The following KIF6 variants were observed in gnomAD, a reference collection of about 807,000 sequenced individuals.
The protein encoded by KIF6 is kinesin-like protein KIF6.
In KIF6, 106 loss-of-function variants were observed where a neutral mutation model predicts 112.7. That is an observed-to-expected ratio of 0.94 (90% CI 0.80 to 1.11). The LOEUF (loss-of-function observed/expected upper bound fraction) is 1.11. Among genes scored for constraint, KIF6 ranks in the 50% least tolerant of loss-of-function variants. The pLI is 0.00. For missense variants in KIF6, 929 were observed against 964.0 expected (o/e 0.96, Z 0.48); for synonymous variants, 339 against 339.9 (o/e 1.00, Z 0.03).
intron 5 of KIF6, among the ~76,000 whole-genome samples, chr6:39,627,802 T>C (rs1784165381): frequency 6.6e-6 from 1 of 152,160 alleles, no homozygotes; most frequent in African/African-American, 2.4e-5. Flanking sequence ...AAAATTATAC[T>C]AAAGTAAGGT....
At chr6:39,478,390 TG>T (rs1774574464) in intron 13 of KIF6, among the ~76,000 whole-genome samples, 1 of 152,232 alleles carries the variant, frequency 6.6e-6, no homozygotes, top group Non-Finnish European at 1.5e-5. Context: ...TTTTTATGGC[TG>T]AGTAGTATTC....
intron 5 of KIF6, chr6:39,617,781 A>T (rs1486935847): frequency 2.2e-6 from 1 of 454,552 alleles, no homozygotes; most frequent in Admixed American, 2.4e-5. Flanking sequence ...ACCTAGAGCA[A>T]TGTCAAGAGC....
At position 39,362,529 on chromosome 6, in the gene KIF6, A is replaced by G; in HGVS notation, c.1862-11T>C. On this transcript the variant is annotated splice_polypyrimidine_tract_variant and intron_variant, in intron 16 of 22. Transcript: ENST00000287152. ...TGTTTTCCGAGATTCCTGTAGAAGG[A>G]AGGTGCCAATGGGATGGTGAGAAAG... The G allele has an allele frequency of 6.3e-7, 1 of 1,599,866 alleles. No individual in the cohort carries two copies. The highest frequency in any genetic ancestry group is 8.6e-7 in the Non-Finnish European group (1 of 1,166,974).
chr6:39,698,259 C>T (rs1407547491), intron 3 of KIF6, among the ~76,000 whole-genome samples: 1 of 152,162 alleles, frequency 6.6e-6, no homozygotes, highest in East Asian at 1.9e-4. Context: ...AGCATAGCAG[C>T]TTTCAGCACA....
intron 13 of KIF6, among the ~76,000 whole-genome samples, chr6:39,507,638 C>CTTCCTA: frequency 3.3e-5 from 1 of 29,864 alleles, no homozygotes; most frequent in Middle Eastern, 0.02. Flanking sequence ...CTTTCCTTTC[C>CTTCCTA]CCTTCCTTCC....
rs1774857203 is a variant in KIF6 at position 39,482,424 on chromosome 6, C to T, written c.1646-51263G>A. Among the ~76,000 whole-genome samples the T allele has an allele frequency of 3.3e-5, 5 of 152,272 alleles. No individual in the cohort carries two copies. In the South Asian group the frequency reaches 1.0e-3, roughly 32 times the overall value. On this transcript the variant is annotated intron_variant, in intron 13 of 22. Coordinates refer to ENST00000287152, the MANE Select transcript of KIF6 (RefSeq NM_145027.6). Reference sequence around the variant, plus strand: ...AATATCTGTTCCCAGTCCCTTTAGGCCCTTGTCTGAGCCCTCTGGAGCAAG... The same window carrying T: ...AATATCTGTTCCCAGTCCCTTTAGGTCCTTGTCTGAGCCCTCTGGAGCAAG...
At chr6:39,679,617 T>C (rs1787384710) in intron 3 of KIF6, among the ~76,000 whole-genome samples, 1 of 62,700 alleles carries the variant, frequency 1.6e-5, no homozygotes, top group African/African-American at 4.5e-5. Context: ...TTCTTTTCTT[T>C]TTTTTTTTTT....
chr6:39,598,313 T>C (rs1782388283), intron 6 of KIF6, among the ~76,000 whole-genome samples: 1 of 152,166 alleles, frequency 6.6e-6, no homozygotes, highest in Non-Finnish European at 1.5e-5. Flanking sequence ...GAATATTTGA[T>C]AAAATGCTCA....
intron 6 of KIF6, among the ~76,000 whole-genome samples, chr6:39,598,079 TG>T (rs754021964): frequency 3.2e-4 from 48 of 152,026 alleles, no homozygotes; most frequent in Non-Finnish European, 5.6e-4. Context: ...CCCAGCTACT[TG>T]GGAGGCTGAG....
At chr6:39,620,604 G>C (rs559958999) in intron 5 of KIF6, 4 of 152,122 alleles carry the variant, frequency 2.6e-5, no homozygotes, top group Non-Finnish European at 5.9e-5. Flanking sequence ...TATGAAAGTA[G>C]AAAGAACCAA....
At chr6:39,676,157 TAA>T (rs1172891720) in intron 3 of KIF6, among the ~76,000 whole-genome samples, 1 of 149,988 alleles carries the variant, frequency 6.7e-6, no homozygotes, top group Non-Finnish European at 1.5e-5. Flanking sequence ...CTGGGATAGA[TAA>T]ATAAAAATAA....
intron 3 of KIF6, among the ~76,000 whole-genome samples, chr6:39,713,526 G>A (rs1361543012): frequency 1.3e-5 from 2 of 152,134 alleles, no homozygotes; most frequent in African/African-American, 4.8e-5. Flanking sequence ...TGTAGTGGAA[G>A]GAAAACCCAG....
intron 3 of KIF6, among the ~76,000 whole-genome samples, chr6:39,700,021 T>C (rs1333038509): frequency 6.6e-6 from 1 of 152,214 alleles, no homozygotes; most frequent in Non-Finnish European, 1.5e-5. Context: ...TTTTTAATTT[T>C]TGTGGGTCCA....
intron 10 of KIF6, among the ~76,000 whole-genome samples, chr6:39,576,079 G>A (rs1780957355): frequency 1.3e-5 from 2 of 152,018 alleles, no homozygotes; most frequent in South Asian, 4.2e-4. Context: ...CTTAAACTAA[G>A]CCTCCTGAAA....
chr6:39,525,176 G>T (rs9380875), intron 13 of KIF6, among the ~76,000 whole-genome samples: 69,704 of 151,788 alleles, frequency 0.46, 19,140 homozygotes, highest in African/African-American at 0.77. Flanking sequence ...AAGGTCTCAC[G>T]TTGTCACCCA....
Position 39,712,917 on chromosome 6 carries a change from G to A in KIF6, c.251+1775C>T, listed in dbSNP as rs980137319. 2.0e-5 allele frequency among the ~76,000 whole-genome samples: 3 copies of A among 152,150 alleles called. No individual in the cohort carries two copies. The South Asian group carries it at 6.2e-4, about 32-fold the overall frequency. On this transcript the variant is annotated intron_variant, in intron 3 of 22. Transcript: ENST00000287152. ...GTATACCTATGTAACAAACCTGCAC[G>A]TTGCGCACATGTACCCTAGAACTTA... is the stretch of plus-strand genomic sequence containing the variant.
At chr6:39,686,869 A>T (rs146790036) in intron 3 of KIF6, among the ~76,000 whole-genome samples, 10 of 152,286 alleles carry the variant, frequency 6.6e-5, no homozygotes, top group Middle Eastern at 3.4e-3. Flanking sequence ...TATACCTGAG[A>T]CTAGTATAAT....
intron 6 of KIF6, among the ~76,000 whole-genome samples, chr6:39,600,424 C>A (rs1256583096): frequency 6.6e-6 from 1 of 152,094 alleles, no homozygotes; most frequent in Non-Finnish European, 1.5e-5. Context: ...ACAATCTAGT[C>A]AGGATCTAAA....
Position 39,701,617 on chromosome 6 carries a change from G to A in KIF6, c.251+13075C>T, listed in dbSNP as rs550885796. The stretch of plus-strand genomic sequence containing the variant: ...TGTTAAGAATTTCAAGACAGCAACC[G>A]CTGAGCATTAAAACAAATGGACTGC... On this transcript the variant is annotated intron_variant, in intron 3 of 22. Transcript: ENST00000287152. Among the ~76,000 whole-genome samples the A allele has an allele frequency of 2.6e-5, 4 of 152,324 alleles. No individual in the cohort carries two copies. The East Asian group carries it at 5.8e-4, about 22-fold the overall frequency.
Sources: gnomAD v4.1 joint callset for allele counts (sites outside exome capture counted in the v4.1 genomes callset) on GRCh38, gnomAD v4.1.1 for gene constraint, MANE v1.5 for transcripts, NCBI Gene and HGNC (gene_info 2026-07-23, HGNC 2026-07-21) for gene names.